The following NFIA variants were observed in gnomAD, a reference collection of about 807,000 sequenced individuals.
The protein encoded by NFIA is nuclear factor I A, also known as nuclear factor 1 A-type.
A neutral mutation model predicts 62.8 loss-of-function variants in NFIA; 8 were observed. That is an observed-to-expected ratio of 0.13 (90% CI 0.07 to 0.23). The LOEUF is 0.23. Among genes scored for constraint, NFIA ranks in the 10% least tolerant of loss-of-function variants. The pLI is 1.00. For synonymous variants in NFIA, 235 were observed against 238.1 expected (o/e 0.99, Z 0.12); for missense variants, 410 against 642.1 (o/e 0.64, Z 3.91).
At chr1:61,136,962 A>G (rs1472876123) in intron 2 of NFIA, among the ~76,000 whole-genome samples, 2 of 152,222 alleles carry the variant, frequency 1.3e-5, no homozygotes, top group Non-Finnish European at 2.9e-5. Context: ...GGCACATAAT[A>G]GGTGTTCAGA....
chr1:61,455,511 G>T lies in NFIA; in HGVS notation c.*191G>T, dbSNP rs1372364250. The T allele has an allele frequency of 2.5e-6, 2 of 809,582 alleles. No homozygotes were observed. The highest frequency in any genetic ancestry group is 3.7e-5 in the Admixed American group (1 of 26,994). The allele number at this position is 809,582 out of a possible 1,614,324, so 50.1% of individuals were successfully genotyped here. On this transcript the variant is annotated 3_prime_UTR_variant, in exon 11 of 11. Coordinates refer to ENST00000403491, the MANE Select transcript of NFIA (RefSeq NM_001134673.4). ...AAACAGCAAAGGCCATAACCTTTTG[G>T]GATTTTTTTTTTTTTAAAATACTTT...
chr1:61,276,616 T>G (rs1040163569), intron 2 of NFIA, among the ~76,000 whole-genome samples: 1 of 152,146 alleles, frequency 6.6e-6, no homozygotes, highest in African/African-American at 2.4e-5. Context: ...TTTTTCCCCT[T>G]GAAACATTTT....
At chr1:61,341,203 A>G (rs1661889269) in intron 4 of NFIA, among the ~76,000 whole-genome samples, 1 of 151,266 alleles carries the variant, frequency 6.6e-6, no homozygotes, top group Admixed American at 6.6e-5. Context: ...AGCCGGGACT[A>G]CAGGTGTCCA....
At chr1:61,444,862 T>C (rs1399515921) in intron 10 of NFIA, among the ~76,000 whole-genome samples, 5 of 152,210 alleles carry the variant, frequency 3.3e-5, no homozygotes, top group Admixed American at 2.6e-4. Flanking sequence ...TGTCCACATA[T>C]AACAGTCATG....
intron 3 of NFIA, among the ~76,000 whole-genome samples, chr1:61,285,317 G>A (rs1040010534): frequency 1.3e-5 from 2 of 152,154 alleles, no homozygotes; most frequent in Admixed American, 1.3e-4. Context: ...AATTGGGTAT[G>A]AGCTTTCCTT....
At chr1:61,237,842 C>T (rs1655097272) in intron 2 of NFIA, among the ~76,000 whole-genome samples, 1 of 152,126 alleles carries the variant, frequency 6.6e-6, no homozygotes, top group African/African-American at 2.4e-5. Flanking sequence ...GAATATGAGA[C>T]TTAATTAGGG....
intron 9 of NFIA, among the ~76,000 whole-genome samples, chr1:61,411,281 A>C (rs1468099296): frequency 1.3e-5 from 2 of 151,990 alleles, no homozygotes; most frequent in Non-Finnish European, 2.9e-5. Context: ...AAATAAATAC[A>C]TTTTAATGGG....
intron 2 of NFIA, among the ~76,000 whole-genome samples, chr1:61,128,743 A>G (rs1239868825): frequency 6.6e-6 from 1 of 152,108 alleles, no homozygotes; most frequent in Admixed American, 6.5e-5. Flanking sequence ...TGAAATGGAC[A>G]TTAATGATTT....
chr1:61,094,450 A>G (rs891996064), intron 2 of NFIA, among the ~76,000 whole-genome samples: 1 of 152,240 alleles, frequency 6.6e-6, no homozygotes, highest in Non-Finnish European at 1.5e-5. Context: ...TTTTCAGACT[A>G]AGACACTATT....
intron 2 of NFIA, among the ~76,000 whole-genome samples, chr1:61,161,401 A>T (rs939646633): frequency 6.6e-6 from 1 of 152,156 alleles, no homozygotes; most frequent in African/African-American, 2.4e-5. Context: ...CACAAGTCTG[A>T]TTTTTCATTC....
At chr1:61,425,073 CTTAT>C (rs1448420976) in intron 9 of NFIA, among the ~76,000 whole-genome samples, 1 of 152,164 alleles carries the variant, frequency 6.6e-6, no homozygotes, top group Non-Finnish European at 1.5e-5. Context: ...CAAAAAGTTT[CTTAT>C]TTAAGAGACA....
chr1:61,097,509 T>C (rs1395990707), intron 2 of NFIA, among the ~76,000 whole-genome samples: 1 of 152,354 alleles, frequency 6.6e-6, no homozygotes, highest in African/African-American at 2.4e-5. Context: ...GGTAGTACAT[T>C]GCATTCATGC....
rs147743158 is a variant in NFIA, at chr1:61,296,078, T to C, written c.625+18493T>C. On this transcript the variant is annotated intron_variant, in intron 3 of 10. Transcript: ENST00000403491. ...AGGTGTCTTTCTGTGTTTACCGTGG[T>C]ATCACTTTCACCCTCTATTCTGAAC... 3.7e-3 allele frequency among the ~76,000 whole-genome samples: 561 copies of C among 152,340 alleles called. 8 individuals carry two copies. The highest frequency in any genetic ancestry group is 0.013 in the African/African-American group (546 of 41,572).
chr1:61,420,816 A>G (rs891422924), intron 9 of NFIA, among the ~76,000 whole-genome samples: 2 of 152,198 alleles, frequency 1.3e-5, no homozygotes, highest in African/African-American at 4.8e-5. Flanking sequence ...AGTGTTTAGA[A>G]TTGAAATTTG....
Position 61,082,689 on chromosome 1 carries a change from TC to T in NFIA, c.-102del. On this transcript the variant is annotated 5_prime_UTR_variant, in exon 1 of 11. Transcript: ENST00000403491. Reference sequence around the variant, plus strand: ...CTCCCCCCTTCTCTCTCTCTCTCTCTCTCTCTCTTCCTCTCTCCCTCTTTCT... The same window carrying T: ...CTCCCCCCTTCTCTCTCTCTCTCTCTTCTCTCTTCCTCTCTCCCTCTTTCT... 1 of 1,540,640 alleles carries T rather than the reference TC, an allele frequency of 6.5e-7. No individual in the cohort carries two copies. Among genetic ancestry groups the T allele is most frequent in the Non-Finnish European group, 8.8e-7 (1 of 1,140,864 alleles).
intron 2 of NFIA, chr1:61,251,267 C>CTG (rs764988221): frequency 6.6e-6 from 1 of 152,196 alleles, no homozygotes; most frequent in Non-Finnish European, 1.5e-5. Flanking sequence ...GATCTCTTTA[C>CTG]TACGTACATA....
chr1:61,311,641 A>G, intron 3 of NFIA, among the ~76,000 whole-genome samples: 1 of 152,282 alleles, frequency 6.6e-6, no homozygotes, highest in South Asian at 2.1e-4. Flanking sequence ...GACATTGCCA[A>G]ATGTCACCTG....
At chr1:61,216,386 T>G (rs1038773018) in intron 2 of NFIA, among the ~76,000 whole-genome samples, 1 of 152,134 alleles carries the variant, frequency 6.6e-6, no homozygotes, top group Non-Finnish European at 1.5e-5. Flanking sequence ...TGAAGAATAT[T>G]CAGGTGACTA....
At chr1:61,094,244 A>T in intron 2 of NFIA, among the ~76,000 whole-genome samples, 1 of 152,226 alleles carries the variant, frequency 6.6e-6, no homozygotes, top group East Asian at 1.9e-4. Flanking sequence ...GGAAGGAAGA[A>T]GTCAGGTGGA....
Sources: allele counts gnomAD v4.1 joint callset (sites outside exome capture counted in the v4.1 genomes callset), GRCh38; gene constraint gnomAD v4.1.1; transcripts MANE v1.5; gene names NCBI Gene and HGNC (gene_info 2026-07-23, HGNC 2026-07-21).